ORC1: variants seen among roughly 807,000 people sequenced by gnomAD.
ORC1 encodes the protein origin recognition complex subunit 1.
ORC1 carries 61 observed loss-of-function variants against 98.9 expected under a neutral mutation model. The ratio of observed to expected loss-of-function variants is 0.62; its 90% CI spans 0.50 to 0.76. ORC1 has a LOEUF of 0.76. ORC1 is among the 30% of genes least tolerant of loss of function. ORC1 has a pLI of 0.00. For synonymous variants in ORC1, 385 were observed against 406.9 expected, an observed-to-expected ratio of 0.95 and a Z score of 0.65; for missense variants, 979 against 1,072.2, an observed-to-expected ratio of 0.91 and a Z score of 1.21.
intron 16 of ORC1, among the ~76,000 whole-genome samples, chr1:52,373,616 C>T (rs890151654): frequency 1.3e-5 from 2 of 152,134 alleles, no homozygotes; most frequent in African/African-American, 2.4e-5. Context: ...ATATGTAGAC[C>T]TGGCCAAGTT....
Position 52,393,662 on chromosome 1 carries a change from G to A in ORC1, c.863C>T (p.Pro288Leu), listed in dbSNP as rs746875132. 27 of 1,613,986 alleles carry A rather than the reference G, an allele frequency of 1.7e-5. No individual in the cohort carries two copies. Among genetic ancestry groups the A allele is most frequent in the Non-Finnish European group, 2.3e-5 (27 of 1,180,006 alleles). ...SQPDKLQTLS[P>L]ALKAPEKTRE... Reference sequence around the variant, plus strand: ...GGTTTTCTCTGGGGCTTTCAGAGCTGGAGACAAGGTTTGAAGTTTATCAGG... The same window carrying A: ...GGTTTTCTCTGGGGCTTTCAGAGCTAGAGACAAGGTTTGAAGTTTATCAGG... The change falls in exon 6 of 17, where the codon CCA (proline) becomes CTA (leucine). Residue 288 changes from proline (P) to leucine (L), a missense_variant. By Grantham distance (98) the Pro-to-Leu change is moderately conservative. Transcript: ENST00000371568.
intron 4 of ORC1, among the ~76,000 whole-genome samples, 191 bp downstream of exon 4, chr1:52,397,494 C>A (rs1251649424): frequency 1.3e-5 from 2 of 152,198 alleles, no homozygotes; most frequent in African/African-American, 4.8e-5. Context: ...TTGTAGGAGG[C>A]TCCTAACACA....
chr1:52,383,993 T>C (rs1647108114), intron 11 of ORC1, 56 bp from the exon 12 acceptor site: 2 of 1,444,692 alleles, frequency 1.4e-6, no homozygotes, highest in Middle Eastern at 1.7e-4. Flanking sequence ...TCCCTTGGGC[T>C]TAAAGTTAAA....
chr1:52,396,419 G>GAGTA, intron 4 of ORC1, 55 bp from the exon 5 acceptor site: 1 of 1,609,584 alleles, frequency 6.2e-7, no homozygotes, highest in African/African-American at 1.3e-5. Context: ...GAGAGCCAAG[G>GAGTA]AGTATTCCAT....
intron 9 of ORC1, among the ~76,000 whole-genome samples, 192 bp downstream of exon 9, chr1:52,385,660 T>C (rs755842753): frequency 1.3e-5 from 2 of 152,240 alleles, no homozygotes; most frequent in Non-Finnish European, 2.9e-5. Context: ...CTGTCCACAC[T>C]GGCTAACCCA....
upstream of ORC1, chr1:52,405,981 G>C: frequency 1.5e-6 from 1 of 687,596 alleles, no homozygotes; most frequent in Non-Finnish European, 2.5e-6. Flanking sequence ...CCTTGAGTTT[G>C]TATTTTTTGT....
upstream of ORC1, chr1:52,408,611 C>A: frequency 6.2e-7 from 1 of 1,614,158 alleles, no homozygotes; most frequent in South Asian, 1.1e-5. Context: ...GGCTGACAGG[C>A]ACTGCAATTG....
At chr1:52,403,160 T>A (rs1647812714) in intron 1 of ORC1, among the ~76,000 whole-genome samples, 1 of 152,218 alleles carries the variant, frequency 6.6e-6, no homozygotes, top group South Asian at 2.1e-4. Flanking sequence ...TCAATTTGCT[T>A]ACCCACAAAA....
upstream of ORC1, chr1:52,404,732 A>G (rs1269279419): frequency 2.5e-6 from 4 of 1,611,358 alleles, no homozygotes; most frequent in Non-Finnish European, 3.4e-6. Context: ...ACGGAAATAG[A>G]ATTGAAGGCA....
At chr1:52,377,384 C>G (rs1647007402) in intron 14 of ORC1, among the ~76,000 whole-genome samples, 1 of 152,204 alleles carries the variant, frequency 6.6e-6, no homozygotes, top group Admixed American at 6.5e-5. Context: ...AAGCAATCCT[C>G]CCACCTCAGC....
At chr1:52,384,818 C>T (rs928574461) in intron 10 of ORC1, 97 bp from the exon 11 acceptor site, 30 of 1,127,690 alleles carry the variant, frequency 2.7e-5, no homozygotes, top group East Asian at 1.5e-4. Context: ...AGGGAAGGAC[C>T]GAGACCCTTG....
At chr1:52,393,378 T>C in intron 6 of ORC1, 65 bp downstream of exon 6, 1 of 1,607,034 alleles carries the variant, frequency 6.2e-7, no homozygotes, top group Non-Finnish European at 8.5e-7. Flanking sequence ...TTTTTGACTA[T>C]GACTCACATA....
At chr1:52,389,436 T>C in intron 6 of ORC1, 115 bp from the exon 7 acceptor site, 1 of 735,294 alleles carries the variant, frequency 1.4e-6, no homozygotes, top group South Asian at 1.5e-5. Flanking sequence ...ATATATACTT[T>C]GAAAAGAGTA....
intron 14 of ORC1, among the ~76,000 whole-genome samples, chr1:52,379,158 A>C (rs950395577): frequency 1.3e-5 from 2 of 152,196 alleles, no homozygotes; most frequent in African/African-American, 4.8e-5. Context: ...AACAAATCTA[A>C]GTTACATTAA....
In ORC1 at chr1:52,397,839, C is replaced by A. The variant is rs1426607091; in HGVS notation, c.248G>T (p.Arg83Leu). The part of the protein sequence containing the change: ...EDDSDPPPKK[R>L]ARVQWFVRFC... ...TCGGACAAACCACTGTACTCGAGCA[C>A]GTTTCTTAGGAGGAGGATCAGAGTC... The change falls in exon 4 of 17, where the codon CGT (arginine) becomes CTT (leucine). Residue 83 changes from arginine to leucine, a missense_variant. Arg to Leu is a moderately radical substitution (Grantham distance 102). Coordinates refer to ENST00000371568, the MANE Select transcript of ORC1 (RefSeq NM_004153.4). 3 of 1,614,160 alleles carry A rather than the reference C, an allele frequency of 1.9e-6. No homozygotes were observed. Among genetic ancestry groups the A allele is most frequent in the East Asian group, 2.2e-5 (1 of 44,886 alleles).
intron 13 of ORC1, 122 bp from the exon 14 acceptor site, chr1:52,381,883 A>G: frequency 1.1e-6 from 1 of 912,178 alleles, no homozygotes; most frequent in Admixed American, 1.8e-5. Flanking sequence ...TACACATTTC[A>G]TACCTAGACT....
intron 2 of ORC1, among the ~76,000 whole-genome samples, chr1:52,401,859 T>C (rs1647725662): frequency 6.6e-6 from 1 of 152,142 alleles, no homozygotes; most frequent in Non-Finnish European, 1.5e-5. Flanking sequence ...TCATCTCGTT[T>C]TCATCAAAAG....
intron 6 of ORC1, among the ~76,000 whole-genome samples, chr1:52,392,984 AC>A (rs111855851): frequency 6.6e-6 from 1 of 152,176 alleles, no homozygotes; most frequent in African/African-American, 2.4e-5. Context: ...GTGCACCAAA[AC>A]CTCAGAAATC....
intron 1 of ORC1, among the ~76,000 whole-genome samples, chr1:52,402,858 C>G (rs1262724324): frequency 1.3e-5 from 2 of 152,172 alleles, no homozygotes; most frequent in Non-Finnish European, 2.9e-5. Flanking sequence ...GATCGCAACA[C>G]TGCACTCTAG....
Sources: allele counts gnomAD v4.1 joint callset (sites outside exome capture counted in the v4.1 genomes callset), GRCh38; gene constraint gnomAD v4.1.1; transcripts MANE v1.5; gene names NCBI Gene and HGNC (gene_info 2026-07-23, HGNC 2026-07-21).